The following PLXNC1 variants were observed in gnomAD, a reference collection of about 807,000 sequenced individuals.
PLXNC1 encodes plexin-C1.
PLXNC1 carries 75 observed loss-of-function variants against 178.2 expected under a neutral mutation model. The ratio of observed to expected loss-of-function variants is 0.42; its 90% CI spans 0.35 to 0.51. The LOEUF (loss-of-function observed/expected upper bound fraction) is 0.51, where lower values mean the gene tolerates loss of function less well. Among genes scored for constraint, PLXNC1 ranks in the 20% least tolerant of loss-of-function variants. The pLI, the probability that PLXNC1 is intolerant of heterozygous loss-of-function variation, is 0.02. For synonymous variants in PLXNC1, 790 were observed against 779.9 expected, an observed-to-expected ratio of 1.01 and a Z score of -0.22; for missense variants, 1,503 against 1,984.4, an observed-to-expected ratio of 0.76 and a Z score of 4.61.
At chr12:94,209,438 C>A in intron 4 of PLXNC1, 152 bp from the exon 5 acceptor site, 1 of 604,090 alleles carries the variant, frequency 1.7e-6, no homozygotes, top group South Asian at 2.1e-5. Context: ...GCATCATGTT[C>A]CTATTCTCGC....
At position 94,224,243 on chromosome 12, in the gene PLXNC1, A is replaced by T; in HGVS notation, c.1718A>T (p.Asn573Ile). The part of the protein sequence containing the change: ...RATYKDVSVV[N>I]VMFSFGSWNL... Reference sequence around the variant, plus strand: ...TTCCCTCCAGATGTTTCAGTTGTCAACGTGATGTTCTCCTTCGGTTCTTGG... The same window carrying T: ...TTCCCTCCAGATGTTTCAGTTGTCATCGTGATGTTCTCCTTCGGTTCTTGG... Residue 573 changes from asparagine to isoleucine, a missense_variant, in exon 7 of 31, where the codon AAC (asparagine) becomes ATC (isoleucine). By Grantham distance (149) the Asn-to-Ile change is moderately radical (BLOSUM62 -3). This residue lies in a region of PLXNC1 where 615 missense variants were observed against 698.6 expected (regional missense o/e 0.88). Coordinates refer to ENST00000258526, the MANE Select transcript of PLXNC1 (RefSeq NM_005761.3). 6.2e-7 allele frequency: 1 copy of T among 1,601,038 alleles called. No individual in the cohort carries two copies. The highest frequency in any genetic ancestry group is 8.6e-7 in the Non-Finnish European group (1 of 1,168,038).
intron 4 of PLXNC1, among the ~76,000 whole-genome samples, chr12:94,188,799 C>T (rs1962615948): frequency 1.3e-5 from 2 of 152,212 alleles, no homozygotes; most frequent in African/African-American, 4.8e-5. Flanking sequence ...CAGCCTCAGA[C>T]AGGAGCACTG....
Position 94,304,028 on chromosome 12 carries a change from T to TA in PLXNC1, c.4580dup (p.Tyr1527Ter). ...EEVALTEIYK[Y>*]IVKYFDEILN... ...AGTGGCCTTGACAGAAATTTACAAA[T>TA]ACATCGTAAAATATTTTGATGAGGT... is the stretch of plus-strand genomic sequence containing the variant. Residue 1527 changes from tyrosine (Y) to a stop codon, truncating the protein, a stop_gained and frameshift_variant, in exon 30 of 31, where the codon TAC becomes TAAC. Coordinates refer to ENST00000258526, the MANE Select transcript of PLXNC1 (RefSeq NM_005761.3). LOFTEE classifies it high-confidence loss of function. 6.4e-7 allele frequency: 1 copy of TA among 1,569,006 alleles called. No homozygotes were observed. The highest frequency in any genetic ancestry group is 8.8e-7 in the Non-Finnish European group (1 of 1,140,328).
intron 9 of PLXNC1, 177 bp downstream of exon 9, chr12:94,227,412 G>T (rs2291330): frequency 0.32 from 157,455 of 495,192 alleles, 25,480 homozygotes; most frequent in East Asian, 0.44. Flanking sequence ...TACATCAATG[G>T]CTGGACACTC....
Position 94,274,968 on chromosome 12 carries a change from T to C in PLXNC1, c.3598-4504T>C, listed in dbSNP as rs1373527452. 2.6e-5 allele frequency among the ~76,000 whole-genome samples: 4 copies of C among 152,242 alleles called. 1 individual carries two copies. In the South Asian group the frequency reaches 6.2e-4, roughly 24 times the overall value. ...AGCACTCCTTAATTTGCTATTATTA[T>C]GTGTCATTATTTAGTGATCCTGTCA... On this transcript the variant is annotated intron_variant, in intron 21 of 30. Coordinates refer to ENST00000258526, the MANE Select transcript of PLXNC1 (RefSeq NM_005761.3).
At chr12:94,167,777 A>T (rs903944887) in intron 1 of PLXNC1, among the ~76,000 whole-genome samples, 2 of 152,186 alleles carry the variant, frequency 1.3e-5, no homozygotes, top group Admixed American at 1.3e-4. Context: ...CTTTCCCTAA[A>T]TCTTCTTAAA....
intron 21 of PLXNC1, among the ~76,000 whole-genome samples, chr12:94,275,554 C>G (rs1205287240): frequency 6.6e-6 from 1 of 152,144 alleles, no homozygotes; most frequent in Non-Finnish European, 1.5e-5. Flanking sequence ...GTACTTACGC[C>G]TTAAGAAACT....
rs942167908 is a variant in PLXNC1, at chr12:94,305,365, C to T, written c.*80C>T. 25 of 781,888 alleles carry T rather than the reference C, an allele frequency of 3.2e-5. No individual in the cohort carries two copies. Among genetic ancestry groups the T allele is most frequent in the East Asian group, 2.1e-4 (8 of 37,486 alleles). 48.4% of individuals were successfully genotyped at this position (781,888 alleles called of 1,614,324 possible). A position where few individuals can be genotyped will look rare whatever the true frequency, so the allele number is the denominator to read the frequency against. On this transcript the variant is annotated 3_prime_UTR_variant, in exon 31 of 31. Coordinates refer to ENST00000258526, the MANE Select transcript of PLXNC1 (RefSeq NM_005761.3). ...AATGGCTGCTTGAGCTACTCTGTGT[C>T]GTTAATTTGTTGTTTGCACATAGGT...
Position 94,303,732 on chromosome 12 carries a change from CTT to C in PLXNC1, c.4387-8_4387-7del, listed in dbSNP as rs201354613. The C allele has an allele frequency of 0.028, 22,681 of 816,078 alleles. 1 individual carries two copies. The highest frequency in any genetic ancestry group is 0.04 in the Admixed American group (808 of 20,096). 50.6% of individuals were successfully genotyped at this position (816,078 alleles called of 1,614,324 possible). A position where few individuals can be genotyped will look rare whatever the true frequency, so the allele number is the denominator to read the frequency against. Reference sequence around the variant, plus strand: ...TTTTTTACTCTTTTGGTGATGGTTGCTTTTTTTTTTTTTTTTTCCCCAGGAAG... The same window carrying C: ...TTTTTTACTCTTTTGGTGATGGTTGCTTTTTTTTTTTTTTTCCCCAGGAAG... On this transcript the variant is annotated intron_variant, in intron 28 of 30. Coordinates refer to ENST00000258526, the MANE Select transcript of PLXNC1 (RefSeq NM_005761.3).
At chr12:94,251,765 C>T (rs1451398554) in intron 15 of PLXNC1, among the ~76,000 whole-genome samples, 3 of 152,136 alleles carry the variant, frequency 2.0e-5, no homozygotes, top group Non-Finnish European at 2.9e-5. Flanking sequence ...CTGAGGCGGG[C>T]GGATCGCCTT....
rs748867732 is a variant in PLXNC1 at position 94,209,675 on chromosome 12, A to G, written c.1525A>G (p.Ile509Val). ...ISSGAKKCPK[I>V]QIIRSSKEKT... Reference sequence around the variant, plus strand: ...GTCTGGAGCAAAAAAGTGCCCTAAAATTCAGATAATTCGAAGCAGTAAAGA... The same window carrying G: ...GTCTGGAGCAAAAAAGTGCCCTAAAGTTCAGATAATTCGAAGCAGTAAAGA... Residue 509 changes from isoleucine to valine, a missense_variant, in exon 5 of 31, where the codon ATT becomes GTT. By Grantham distance (29) the Ile-to-Val change is conservative. Coordinates refer to ENST00000258526, the MANE Select transcript of PLXNC1 (RefSeq NM_005761.3). 3.7e-6 allele frequency: 6 copies of G among 1,609,572 alleles called. No individual in the cohort carries two copies. Among genetic ancestry groups the G allele is most frequent in the Admixed American group, 1.7e-5 (1 of 59,998 alleles).
At chr12:94,177,699 A>G (rs1962155142) in intron 2 of PLXNC1, among the ~76,000 whole-genome samples, 1 of 152,156 alleles carries the variant, frequency 6.6e-6, no homozygotes, top group African/African-American at 2.4e-5. Context: ...TACCAAGTAA[A>G]TAAATCAATG....
chr12:94,294,319 A>G (rs1167652125), intron 23 of PLXNC1, among the ~76,000 whole-genome samples, 167 bp from the exon 24 acceptor site: 6 of 152,186 alleles, frequency 3.9e-5, no homozygotes, highest in African/African-American at 1.2e-4. Flanking sequence ...CTTGCTTGTC[A>G]TTTAGTCCCA....
intron 22 of PLXNC1, chr12:94,280,030 G>A (rs962950830): frequency 1.4e-5 from 5 of 364,792 alleles, no homozygotes; most frequent in Non-Finnish European, 2.7e-5. Context: ...TGATTTGTTT[G>A]TTGTGATACT....
intron 5 of PLXNC1, among the ~76,000 whole-genome samples, chr12:94,218,708 C>T (rs1240279781): frequency 6.6e-6 from 1 of 152,088 alleles, no homozygotes; most frequent in Non-Finnish European, 1.5e-5. Context: ...TACACACACA[C>T]ACACACACGT....
At chr12:94,295,260 G>T (rs1967789288) in intron 24 of PLXNC1, among the ~76,000 whole-genome samples, 1 of 152,194 alleles carries the variant, frequency 6.6e-6, no homozygotes, top group African/African-American at 2.4e-5. Context: ...GGAGCATCTG[G>T]CCAGTGCAAA....
chr12:94,209,971 A>G (rs1336008300), intron 5 of PLXNC1, among the ~76,000 whole-genome samples: 1 of 152,200 alleles, frequency 6.6e-6, no homozygotes, highest in Non-Finnish European at 1.5e-5. Context: ...ATGACCCTCA[A>G]TGGTTGAACT....
Position 94,247,898 on chromosome 12 carries a change from T to G in PLXNC1, c.2389-5T>G, listed in dbSNP as rs773677928. 7 of 1,613,292 alleles carry G rather than the reference T, an allele frequency of 4.3e-6. No individual in the cohort carries two copies. The highest frequency in any genetic ancestry group is 1.3e-5 in the African/African-American group (1 of 74,896). On this transcript the variant is annotated splice_polypyrimidine_tract_variant and splice_region_variant and intron_variant, in intron 12 of 30. Transcript: ENST00000258526. ...TTACTAAAACATTCTTTTCTTTTTG[T>G]CCAGGTCTCTGAATATTGTGTGGCG...
At chr12:94,279,870 G>A (rs921515309) in intron 22 of PLXNC1, 95 of 683,154 alleles carry the variant, frequency 1.4e-4, no homozygotes, top group Middle Eastern at 2.7e-4. Context: ...CAAAGATGGC[G>A]TTTGTTGTTG....
Sources: gnomAD v4.1 joint callset for allele counts (sites outside exome capture counted in the v4.1 genomes callset) on GRCh38, gnomAD v4.1.1 for gene constraint, gnomAD v4.1.1 regional missense constraint, MANE v1.5 for transcripts, NCBI Gene and HGNC (gene_info 2026-07-23, HGNC 2026-07-21) for gene names.